HNRNPU: variants seen among roughly 807,000 people sequenced by gnomAD.
HNRNPU encodes HNRNPU antisense RNA 1.
Under a neutral mutation model 94.7 loss-of-function variants are expected in HNRNPU, and 5 were observed. That is an observed-to-expected ratio of 0.05 (90% CI 0.03 to 0.11). The LOEUF (loss-of-function observed/expected upper bound fraction) is 0.11, where lower values mean the gene tolerates loss of function less well. Ranked by LOEUF, HNRNPU falls within the 10% of genes least tolerant of loss-of-function variation. The pLI is 1.00. For synonymous variants in HNRNPU, 434 were observed against 381.6 expected, an observed-to-expected ratio of 1.14 and a Z score of -1.60; for missense variants, 710 against 1,049.2, an observed-to-expected ratio of 0.68 and a Z score of 4.47.
Position 244,856,257 on chromosome 1 carries a change from A to G in HNRNPU, c.1913-99T>C, listed in dbSNP as rs183088684. 2.6e-4 allele frequency: 338 copies of G among 1,325,054 alleles called. 3 individuals carry two copies. In the African/African-American group the frequency reaches 4.4e-3, roughly 17 times the overall value. The allele number at this position is 1,325,054 out of a possible 1,614,324, so 82.1% of individuals were successfully genotyped here. On this transcript the variant is annotated intron_variant, in intron 10 of 13. Coordinates refer to ENST00000640218, the MANE Select transcript of HNRNPU (RefSeq NM_031844.3). ...TTGAGGTTTAGTAACATATTTTCCT[A>G]AAAATAAAAACAGACCAAACATATA...
chr1:244,860,074 T>A, intron 4 of HNRNPU: 1 of 355,218 alleles, frequency 2.8e-6, no homozygotes, highest in African/African-American at 2.1e-5. Context: ...GCCGAGACAG[T>A]GGATCACCTG....
rs1302732858 is a variant in HNRNPU, at chr1:244,850,320, T to C, written c.*4130A>G. 3 of 152,194 alleles carry C rather than the reference T, an allele frequency of 2.0e-5. No individual in the cohort carries two copies. Among genetic ancestry groups the C allele is most frequent in the Non-Finnish European group, 4.4e-5 (3 of 68,028 alleles). The allele number at this position is 152,194 out of a possible 1,614,324, so 9.4% of individuals were successfully genotyped here. On this transcript the variant is annotated 3_prime_UTR_variant, in exon 14 of 14. Transcript: ENST00000640218. ...AGTTAGCTGGACAAAGTACTTTTAA[T>C]GCTTATTTTACAAATATGTACCTGT...
chr1:244,858,600 TACACTA>T (rs1389678434), intron 6 of HNRNPU, 123 bp downstream of exon 6: 1 of 655,658 alleles, frequency 1.5e-6, no homozygotes, highest in East Asian at 2.7e-5. Flanking sequence ...ATGAAGTCTT[TACACTA>T]ATCCAGGGAC....
intron 13 of HNRNPU, 95 bp from the exon 14 acceptor site, chr1:244,854,598 G>GTTTC: frequency 1.2e-6 from 1 of 851,192 alleles, no homozygotes; most frequent in Non-Finnish European, 2.0e-6. Context: ...AGAGTAATTT[G>GTTTC]CTGGAAACAA....
At chr1:244,863,173 A>G (rs1409047029) in intron 1 of HNRNPU, 3 of 145,306 alleles carry the variant, frequency 2.1e-5, no homozygotes, top group South Asian at 1.9e-4. Context: ...CGCTCCTTGC[A>G]CAATACAGCG....
At chr1:244,863,066 G>T (rs1480134841) in intron 1 of HNRNPU, 1 of 292,376 alleles carries the variant, frequency 3.4e-6, no homozygotes, top group Non-Finnish European at 6.4e-6. Context: ...TCCCCCGCGG[G>T]CCCGCGCTCC....
At chr1:244,857,936 A>G in intron 7 of HNRNPU, 75 bp downstream of exon 7, 3 of 1,421,096 alleles carry the variant, frequency 2.1e-6, no homozygotes, top group Non-Finnish European at 2.9e-6. Context: ...CTAATCATCT[A>G]GTTCTTCTAA....
chr1:244,857,987 G>T, intron 7 of HNRNPU, 24 bp downstream of exon 7: 2 of 1,555,744 alleles, frequency 1.3e-6, no homozygotes, highest in Non-Finnish European at 1.7e-6. Flanking sequence ...AAATGCCACA[G>T]TTAAAAAAAA....
intron 8 of HNRNPU, chr1:244,857,143 T>C (rs150678050): frequency 2.1e-3 from 595 of 290,016 alleles, no homozygotes; most frequent in Non-Finnish European, 2.8e-3. Flanking sequence ...AAGAACCAAC[T>C]TAATCTTGCC....
Position 244,858,133 on chromosome 1 carries a change from T to C in HNRNPU, c.1372A>G (p.Asn458Asp), listed in dbSNP as rs763159303. ...TATGGCTTTTCCTTCTGACCAAAATTAAATTCAACTGCACAGTTGTGGCAG... is the reference window on the plus strand; with the variant it reads ...TATGGCTTTTCCTTCTGACCAAAATCAAATTCAACTGCACAGTTGTGGCAG... ...VLCHNCAVEFNFGQKEKPYFP... is the reference protein window; with the variant it reads ...VLCHNCAVEFDFGQKEKPYFP... Residue 458 changes from asparagine to aspartate, a missense_variant, in exon 7 of 14, where the codon AAT becomes GAT. This residue lies in a region of HNRNPU where 150 missense variants were observed against 187.9 expected (regional missense o/e 0.80). Coordinates refer to ENST00000640218, the MANE Select transcript of HNRNPU (RefSeq NM_031844.3). 2 of 1,614,184 alleles carry C rather than the reference T, an allele frequency of 1.2e-6. No homozygotes were observed. Among genetic ancestry groups the C allele is most frequent in the Non-Finnish European group, 8.5e-7 (1 of 1,180,018 alleles).
chr1:244,857,791 C>T (rs1408007890), intron 7 of HNRNPU, 74 bp from the exon 8 acceptor site: 3 of 1,524,560 alleles, frequency 2.0e-6, no homozygotes, highest in Non-Finnish European at 2.7e-6. Flanking sequence ...ATTGTTAAGG[C>T]CAATTTAAAT....
chr1:244,857,965 C>A (rs771858283), intron 7 of HNRNPU, 46 bp downstream of exon 7: 28 of 1,538,812 alleles, frequency 1.8e-5, no homozygotes, highest in Non-Finnish European at 2.3e-5. Flanking sequence ...TTGTGCCAGG[C>A]AAGCAATATT....
intron 3 of HNRNPU, 49 bp downstream of exon 3, chr1:244,862,412 A>AAAAG: frequency 7.6e-7 from 1 of 1,308,050 alleles, no homozygotes; most frequent in Non-Finnish European, 1.1e-6. Context: ...AAAAAAAAAA[A>AAAAG]AACCACCATC....
chr1:244,862,169 C>A (rs1680848675), intron 3 of HNRNPU: 1 of 320,120 alleles, frequency 3.1e-6, no homozygotes, highest in African/African-American at 2.2e-5. Context: ...GGTAGTGTTA[C>A]AAGTTTCCGT....
At position 244,852,228 on chromosome 1, in the gene HNRNPU, T is replaced by C. The variant is rs1680566088; in HGVS notation, c.*2222A>G. On this transcript the variant is annotated 3_prime_UTR_variant, in exon 14 of 14. Coordinates refer to ENST00000640218, the MANE Select transcript of HNRNPU (RefSeq NM_031844.3). The stretch of plus-strand genomic sequence containing the variant: ...ACACTTTATAAGGTTATTTCTGCCA[T>C]ACAAGTGTAGACAATTGTATTAATT... 6.6e-6 allele frequency: 1 copy of C among 152,242 alleles called. No homozygotes were observed. Among genetic ancestry groups the C allele is most frequent in the Non-Finnish European group, 1.5e-5 (1 of 68,040 alleles). The allele number at this position is 152,242 out of a possible 1,614,324, so 9.4% of individuals were successfully genotyped here.
rs889593291 is a variant in HNRNPU, at chr1:244,851,949, ATG to A, written c.*2499_*2500del. On this transcript the variant is annotated 3_prime_UTR_variant, in exon 14 of 14. Coordinates refer to ENST00000640218, the MANE Select transcript of HNRNPU (RefSeq NM_031844.3). ...AATCCAAAGCCAGTTTACACTCAGC[ATG>A]TGTTATTCTACTTTAAAATATAACC... The A allele has an allele frequency of 6.6e-6, 1 of 152,234 alleles. No homozygotes were observed. The highest frequency in any genetic ancestry group is 6.5e-5 in the Admixed American group (1 of 15,284). 9.4% of individuals were successfully genotyped at this position (152,234 alleles called of 1,614,324 possible). A position where few individuals can be genotyped will look rare whatever the true frequency, so the allele number is the denominator to read the frequency against.
Position 244,862,688 on chromosome 1 carries a change from C to A in HNRNPU, c.734G>T (p.Gly245Val). 6.2e-7 allele frequency: 1 copy of A among 1,614,150 alleles called. No individual in the cohort carries two copies. Reference sequence around the variant, plus strand: ...ATGATCTTCTCGTGGTCTTTTAACACCCCTCTTTTTATCTCCGCCTTTCTG... The same window carrying A: ...ATGATCTTCTCGTGGTCTTTTAACAACCCTCTTTTTATCTCCGCCTTTCTG... The part of the protein sequence containing the change: ...TEQKGGDKKR[G>V]VKRPREDHGR... The change falls in exon 2 of 14, where the codon GGT (glycine) becomes GTT (valine). Residue 245 changes from glycine to valine, a missense_variant. By Grantham distance (109) the Gly-to-Val change is moderately radical. Around this residue, in one of 8 missense-constraint regions of HNRNPU, gnomAD observed 13 missense variants for 45.3 expected, o/e 0.29. Transcript: ENST00000640218.
intron 3 of HNRNPU, chr1:244,861,912 C>G (rs1481284625): frequency 6.5e-6 from 1 of 152,942 alleles, no homozygotes; most frequent in Non-Finnish European, 1.5e-5. Flanking sequence ...TGATAGCCCA[C>G]TGCTGCTGCC....
In HNRNPU at chr1:244,851,666, T is replaced by C. The variant is rs1166999607; in HGVS notation, c.*2784A>G. 2 of 152,226 alleles carry C rather than the reference T, an allele frequency of 1.3e-5. No individual in the cohort carries two copies. The highest frequency in any genetic ancestry group is 2.4e-5 in the African/African-American group (1 of 41,458). 9.4% of individuals were successfully genotyped at this position (152,226 alleles called of 1,614,324 possible). On this transcript the variant is annotated 3_prime_UTR_variant, in exon 14 of 14. Coordinates refer to ENST00000640218, the MANE Select transcript of HNRNPU (RefSeq NM_031844.3). ...ATCCTAGGCAAATGAGAGCTTGTTT[T>C]TATGTATTTAAGAGTTTCCTCTTGT...
Sources: gnomAD v4.1 joint callset for allele counts on GRCh38, gnomAD v4.1.1 for gene constraint, gnomAD v4.1.1 regional missense constraint, MANE v1.5 for transcripts, NCBI Gene and HGNC (gene_info 2026-07-23, HGNC 2026-07-21) for gene names.